The following NPAS3 variants were observed in gnomAD, a reference collection of about 807,000 sequenced individuals.
The protein encoded by NPAS3 is neuronal PAS domain protein 3.
In NPAS3, 14 loss-of-function variants were observed where a neutral mutation model predicts 73.1. That is an observed-to-expected ratio of 0.19 (90% CI 0.13 to 0.30). The LOEUF is 0.30. Among genes scored for constraint, NPAS3 ranks in the 10% least tolerant of loss-of-function variants. The probability of loss-of-function intolerance (pLI) is 1.00; values close to 1 mark genes in which losing one functional copy is unlikely to be tolerated. For missense variants in NPAS3, 1,096 were observed against 1,250.0 expected (o/e 0.88, Z 1.86); for synonymous variants, 620 against 541.5 (o/e 1.14, Z -2.01).
chr14:33,604,631 T>A (rs952608179), intron 5 of NPAS3, among the ~76,000 whole-genome samples: 10 of 152,008 alleles, frequency 6.6e-5, no homozygotes, highest in African/African-American at 2.4e-4. Flanking sequence ...ACAAAAAATC[T>A]CCACCTAACA....
At chr14:33,331,246 T>C (rs192981030) in intron 3 of NPAS3, among the ~76,000 whole-genome samples, 97 of 152,308 alleles carry the variant, frequency 6.4e-4, no homozygotes, top group Non-Finnish European at 2.9e-4. Flanking sequence ...GCAAGAAAAC[T>C]TCAACTATCT....
intron 4 of NPAS3, among the ~76,000 whole-genome samples, chr14:33,521,679 ATGT>A (rs2053564222): frequency 1.3e-5 from 2 of 151,972 alleles, no homozygotes; most frequent in Non-Finnish European, 2.9e-5. Context: ...CATTTTTTTC[ATGT>A]TGTTCTATTG....
intron 7 of NPAS3, among the ~76,000 whole-genome samples, chr14:33,755,868 G>A (rs1002601010): frequency 1.2e-4 from 19 of 152,070 alleles, no homozygotes; most frequent in Admixed American, 6.6e-4. Context: ...TGGCAGGTGC[G>A]GTGATGCCAT....
chr14:32,990,930 AAAAC>A (rs1292881983), intron 1 of NPAS3, among the ~76,000 whole-genome samples: 2 of 148,354 alleles, frequency 1.3e-5, no homozygotes, highest in Non-Finnish European at 2.9e-5. Context: ...CTCAAAAACA[AAAAC>A]AAAAACAAAA....
chr14:33,656,013 TG>T (rs1173777080), intron 5 of NPAS3, among the ~76,000 whole-genome samples: 4 of 152,178 alleles, frequency 2.6e-5, no homozygotes, highest in Non-Finnish European at 5.9e-5. Context: ...ACTTGGTGGT[TG>T]TGCCCCACCG....
intron 3 of NPAS3, among the ~76,000 whole-genome samples, chr14:33,275,022 A>C (rs1438496470): frequency 6.6e-6 from 1 of 152,068 alleles, no homozygotes; most frequent in Non-Finnish European, 1.5e-5. Flanking sequence ...TTTTCTCTTG[A>C]CCCTTTCTTG....
intron 1 of NPAS3, among the ~76,000 whole-genome samples, chr14:32,966,074 T>C (rs943654291): frequency 2.0e-5 from 3 of 152,078 alleles, no homozygotes; most frequent in African/African-American, 7.2e-5. Context: ...TGGAAAGATA[T>C]CTCATGTTAA....
intron 5 of NPAS3, among the ~76,000 whole-genome samples, chr14:33,588,802 C>T (rs563072752): frequency 1.3e-5 from 2 of 152,156 alleles, no homozygotes; most frequent in Admixed American, 6.5e-5. Context: ...TTTTTAGTAG[C>T]GACTGGATTT....
chr14:33,308,775 T>C (rs559054094), intron 3 of NPAS3, among the ~76,000 whole-genome samples: 30 of 152,056 alleles, frequency 2.0e-4, no homozygotes, highest in African/African-American at 6.0e-4. Context: ...CACAACATAC[T>C]GGGAAGTTTT....
intron 6 of NPAS3, among the ~76,000 whole-genome samples, chr14:33,726,005 C>G (rs990116592): frequency 6.6e-6 from 1 of 152,152 alleles, no homozygotes; most frequent in African/African-American, 2.4e-5. Context: ...CTTTATTTCC[C>G]CCATTTCAAA....
rs547193373 is a variant in NPAS3, at chr14:33,060,321, C to T, written c.140+4327C>T. On this transcript the variant is annotated intron_variant, in intron 2 of 11. Coordinates refer to ENST00000356141, the Ensembl canonical transcript of NPAS3. ...GGTGTCTTTAAAGCCAAGAACAATC[C>T]GTTCACCCGTATTTAGAAAAGATGG... is the stretch of plus-strand genomic sequence containing the variant. 1.2e-4 allele frequency among the ~76,000 whole-genome samples: 19 copies of T among 152,228 alleles called. No individual in the cohort carries two copies. The East Asian group carries it at 2.1e-3, about 17-fold the overall frequency.
chr14:33,390,007 T>G (rs2046932959), intron 4 of NPAS3, among the ~76,000 whole-genome samples: 1 of 151,248 alleles, frequency 6.6e-6, no homozygotes, highest in Non-Finnish European at 1.5e-5. Flanking sequence ...TGGAAAGAAT[T>G]TTATTCTTCA....
At chr14:33,279,871 A>G (rs1381730344) in intron 3 of NPAS3, among the ~76,000 whole-genome samples, 5 of 152,176 alleles carry the variant, frequency 3.3e-5, no homozygotes, top group African/African-American at 1.2e-4. Context: ...CTCTTTTTGA[A>G]CTGCAAAAAA....
At chr14:33,553,125 T>G (rs933350864) in intron 4 of NPAS3, among the ~76,000 whole-genome samples, 4 of 152,196 alleles carry the variant, frequency 2.6e-5, no homozygotes, top group African/African-American at 9.6e-5. Flanking sequence ...GACCAGAGCC[T>G]ATTGTCCATT....
At chr14:33,391,520 G>A (rs1049200653) in intron 4 of NPAS3, among the ~76,000 whole-genome samples, 3 of 152,028 alleles carry the variant, frequency 2.0e-5, no homozygotes, top group Admixed American at 6.6e-5. Context: ...CACTACCAAC[G>A]TTACTGATTT....
chr14:33,018,563 T>G (rs1193696946), intron 1 of NPAS3, among the ~76,000 whole-genome samples: 1 of 152,228 alleles, frequency 6.6e-6, no homozygotes, highest in Non-Finnish European at 1.5e-5. Flanking sequence ...ATGCATTTTC[T>G]AATGATGAGT....
At chr14:33,137,682 A>G (rs2043887832) in intron 2 of NPAS3, among the ~76,000 whole-genome samples, 1 of 152,200 alleles carries the variant, frequency 6.6e-6, no homozygotes, top group Non-Finnish European at 1.5e-5. Flanking sequence ...AGGATTTATA[A>G]TATTTATAAT....
chr14:33,144,349 A>C (rs1875458126), intron 2 of NPAS3, among the ~76,000 whole-genome samples: 1 of 152,260 alleles, frequency 6.6e-6, no homozygotes, highest in Non-Finnish European at 1.5e-5. Flanking sequence ...CTTGTTGGAC[A>C]AAACCTATTG....
chr14:32,963,973 T>A (rs1336784004), intron 1 of NPAS3, among the ~76,000 whole-genome samples: 3 of 152,012 alleles, frequency 2.0e-5, no homozygotes, highest in Non-Finnish European at 4.4e-5. Context: ...CTATCCTTCC[T>A]TGGTATACCT....
Sources: gnomAD v4.1 joint callset for allele counts (sites outside exome capture counted in the v4.1 genomes callset) on GRCh38, gnomAD v4.1.1 for gene constraint, MANE v1.5 for transcripts, NCBI Gene and HGNC (gene_info 2026-07-23, HGNC 2026-07-21) for gene names.